The following PTPRM variants were observed in gnomAD, a reference collection of about 807,000 sequenced individuals.
The protein encoded by PTPRM is receptor-type tyrosine-protein phosphatase mu.
In PTPRM, 47 loss-of-function variants were observed where a neutral mutation model predicts 186.7. The observed-to-expected ratio is 0.25, with a 90% CI of 0.20 to 0.32. PTPRM has a LOEUF of 0.32. Among genes scored for constraint, PTPRM ranks in the 10% least tolerant of loss-of-function variants. The probability of loss-of-function intolerance (pLI) is 1.00; values close to 1 mark genes in which losing one functional copy is unlikely to be tolerated. For missense variants in PTPRM, 1,494 were observed against 1,865.0 expected, an observed-to-expected ratio of 0.80 and a Z score of 3.66; for synonymous variants, 668 against 674.9, an observed-to-expected ratio of 0.99 and a Z score of 0.16.
At chr18:7,883,544 T>C (rs907593729) in intron 2 of PTPRM, among the ~76,000 whole-genome samples, 5 of 152,228 alleles carry the variant, frequency 3.3e-5, no homozygotes, top group Non-Finnish European at 5.9e-5. Flanking sequence ...TAGACTTTCA[T>C]ATTTGCTTCT....
intron 22 of PTPRM, among the ~76,000 whole-genome samples, chr18:8,330,170 A>G (rs652740): frequency 0.88 from 134,024 of 152,146 alleles, 59,461 homozygotes; most frequent in Middle Eastern, 0.94. Flanking sequence ...AAATAAGACC[A>G]AGTGCAGCCC....
chr18:7,982,514 A>C (rs907888037), intron 7 of PTPRM, among the ~76,000 whole-genome samples: 2 of 147,896 alleles, frequency 1.4e-5, no homozygotes, highest in African/African-American at 5.3e-5. Context: ...GCTGCTTCAC[A>C]GTTAACTTTT....
intron 5 of PTPRM, among the ~76,000 whole-genome samples, chr18:7,947,442 T>C (rs905935234): frequency 1.3e-5 from 2 of 151,840 alleles, no homozygotes; most frequent in Non-Finnish European, 2.9e-5. Context: ...TAAAAGCTTT[T>C]AAAGGACTTT....
chr18:8,158,338 G>A (rs549724974), intron 14 of PTPRM, among the ~76,000 whole-genome samples: 27 of 152,296 alleles, frequency 1.8e-4, no homozygotes, highest in African/African-American at 6.0e-4. Flanking sequence ...TTTACTGGGT[G>A]TGTGTTTTGA....
intron 1 of PTPRM, among the ~76,000 whole-genome samples, chr18:7,681,617 T>C (rs2039483198): frequency 6.6e-6 from 1 of 152,160 alleles, no homozygotes; most frequent in Admixed American, 6.5e-5. Context: ...TTATTTTTGT[T>C]TGGAAATGGT....
At chr18:8,099,655 G>A (rs1381686684) in intron 11 of PTPRM, among the ~76,000 whole-genome samples, 1 of 152,196 alleles carries the variant, frequency 6.6e-6, no homozygotes, top group East Asian at 1.9e-4. Flanking sequence ...AATGGAGCAG[G>A]CTGTGCTCAG....
intron 9 of PTPRM, among the ~76,000 whole-genome samples, chr18:8,079,130 A>G (rs564304991): frequency 1.9e-4 from 29 of 152,296 alleles, no homozygotes; most frequent in African/African-American, 7.0e-4. Context: ...GAGTTATGGC[A>G]GTTCACAGCC....
At chr18:7,779,432 A>T (rs1248907085) in intron 2 of PTPRM, among the ~76,000 whole-genome samples, 1 of 152,218 alleles carries the variant, frequency 6.6e-6, no homozygotes, top group African/African-American at 2.4e-5. Context: ...CAGAGAGGAA[A>T]GTGTCAGGAT....
In PTPRM at chr18:8,240,649, GAGAGAAAGAA is replaced by G. The variant is rs796842357; in HGVS notation, c.2301-3405_2301-3396del. ...AGAGAGAGAGAGAGAGAGAGAGAGAGAGAGAAAGAAAGAAAGAAAGAAAGAAAGAAAAAGA... is the reference window on the plus strand; with the variant it reads ...AGAGAGAGAGAGAGAGAGAGAGAGAGAGAAAGAAAGAAAGAAAGAAAAAGA... On this transcript the variant is annotated intron_variant, in intron 14 of 32. Transcript: ENST00000580170. Among the ~76,000 whole-genome samples the G allele has an allele frequency of 8.2e-3, 283 of 34,662 alleles. 13 individuals are homozygous for G. Among genetic ancestry groups the G allele is most frequent in the Middle Eastern group, 0.026 (1 of 38 alleles). 22.7% of individuals were successfully genotyped at this position (34,662 alleles called of 152,430 possible).
intron 7 of PTPRM, among the ~76,000 whole-genome samples, chr18:7,959,697 T>A (rs765438973): frequency 1.3e-5 from 2 of 152,192 alleles, no homozygotes; most frequent in Non-Finnish European, 2.9e-5. Flanking sequence ...CATCTTCATC[T>A]CTAATTTGGG....
chr18:8,347,021 CT>C (rs1240649319), intron 23 of PTPRM, among the ~76,000 whole-genome samples: 4 of 152,160 alleles, frequency 2.6e-5, no homozygotes, highest in Non-Finnish European at 5.9e-5. Context: ...GTTTCTTCCC[CT>C]GAGAGGTATA....
intron 19 of PTPRM, among the ~76,000 whole-genome samples, chr18:8,262,541 G>A (rs1005480864): frequency 6.6e-6 from 1 of 152,112 alleles, no homozygotes; most frequent in African/African-American, 2.4e-5. Flanking sequence ...GCAGGTTGTG[G>A]CCTCTGCCTG....
intron 1 of PTPRM, among the ~76,000 whole-genome samples, chr18:7,723,494 G>C (rs917586141): frequency 2.0e-5 from 3 of 152,162 alleles, no homozygotes; most frequent in Non-Finnish European, 4.4e-5. Context: ...ACTCCATGGA[G>C]AGAGATTTGG....
chr18:8,231,589 T>C (rs1335943794), intron 14 of PTPRM, among the ~76,000 whole-genome samples: 1 of 152,120 alleles, frequency 6.6e-6, no homozygotes, highest in East Asian at 1.9e-4. Flanking sequence ...TTATTTCCAT[T>C]TCATACTTTT....
intron 1 of PTPRM, among the ~76,000 whole-genome samples, chr18:7,629,835 G>A (rs957181865): frequency 3.9e-5 from 6 of 152,144 alleles, no homozygotes; most frequent in African/African-American, 1.4e-4. Flanking sequence ...CTCAGACTGT[G>A]AAGAGAATGG....
At chr18:8,389,695 T>C (rs1173559351) in intron 31 of PTPRM, among the ~76,000 whole-genome samples, 1 of 152,220 alleles carries the variant, frequency 6.6e-6, no homozygotes, top group Non-Finnish European at 1.5e-5. Flanking sequence ...TATATCTAAA[T>C]CTAAGGCTTT....
At position 7,829,410 on chromosome 18, in the gene PTPRM, T is replaced by C. The variant is rs1026271391; in HGVS notation, c.196+55139T>C. 2.6e-5 allele frequency among the ~76,000 whole-genome samples: 4 copies of C among 152,224 alleles called. No individual in the cohort carries two copies. In the East Asian group the frequency reaches 7.7e-4, roughly 29 times the overall value. On this transcript the variant is annotated intron_variant, in intron 2 of 32. Transcript: ENST00000580170. ...TTCTATCCTAGCTAATCAACGTATT[T>C]GTATTTCAGAGATGGGTGGCCAAAA...
chr18:7,972,353 C>A (rs1183965026), intron 7 of PTPRM, among the ~76,000 whole-genome samples: 1 of 126,738 alleles, frequency 7.9e-6, no homozygotes, highest in Admixed American at 7.6e-5. Context: ...GGAGATATAC[C>A]TAATGCTAGA....
intron 7 of PTPRM, among the ~76,000 whole-genome samples, chr18:8,065,270 A>G (rs2088970687): frequency 6.6e-6 from 1 of 152,226 alleles, no homozygotes; most frequent in African/African-American, 2.4e-5. Flanking sequence ...ATAGAAAAAT[A>G]GGACTGAATG....
Sources: allele counts gnomAD v4.1 joint callset (sites outside exome capture counted in the v4.1 genomes callset), GRCh38; gene constraint gnomAD v4.1.1; transcripts MANE v1.5; gene names NCBI Gene and HGNC (gene_info 2026-07-23, HGNC 2026-07-21).